ITGA11: variants seen among roughly 807,000 people sequenced by gnomAD.
The protein encoded by ITGA11 is integrin alpha-11.
ITGA11 carries 97 observed loss-of-function variants against 141.9 expected under a neutral mutation model. The observed-to-expected ratio is 0.68, with a 90% CI of 0.58 to 0.81. ITGA11 has a LOEUF of 0.81. Ranked by LOEUF, ITGA11 falls within the 30% of genes least tolerant of loss-of-function variation. The pLI is 0.00. For missense variants in ITGA11, 1,387 were observed against 1,559.2 expected (o/e 0.89, Z 1.86); for synonymous variants, 658 against 624.6 (o/e 1.05, Z -0.80).
At chr15:68,370,347 G>A (rs1488410780) in intron 2 of ITGA11, among the ~76,000 whole-genome samples, 1 of 152,200 alleles carries the variant, frequency 6.6e-6, no homozygotes, top group Non-Finnish European at 1.5e-5. Context: ...GACCCTGGAG[G>A]TGCGGCTGTG....
chr15:68,378,609 C>T lies in ITGA11; in HGVS notation c.165-9325G>A, dbSNP rs117781612. Among the ~76,000 whole-genome samples, 149 of 152,312 alleles carry T rather than the reference C, an allele frequency of 9.8e-4. 2 individuals carry two copies. The East Asian group carries it at 0.026, about 27-fold the overall frequency. On this transcript the variant is annotated intron_variant, in intron 2 of 29. Coordinates refer to ENST00000315757, the MANE Select transcript of ITGA11 (RefSeq NM_001004439.2). ...AGTAAGCTATGATCATGCCACTGCA[C>T]TGTAGCCTGGGTGACAGAGAGAGAT... is the stretch of plus-strand genomic sequence containing the variant.
intron 1 of ITGA11, among the ~76,000 whole-genome samples, chr15:68,414,735 C>T (rs1455897197): frequency 1.3e-5 from 2 of 152,222 alleles, no homozygotes; most frequent in Non-Finnish European, 2.9e-5. Flanking sequence ...AAGTATCTAT[C>T]AGATTGGCTT....
chr15:68,385,839 C>T (rs1895972465), intron 2 of ITGA11, among the ~76,000 whole-genome samples: 1 of 152,122 alleles, frequency 6.6e-6, no homozygotes, highest in South Asian at 2.1e-4. Flanking sequence ...TCAGTGCCCC[C>T]ATCTGTAAAA....
chr15:68,311,025 A>C lies in ITGA11; in HGVS notation c.3143T>G (p.Val1048Gly), dbSNP rs1455776111. The C allele has an allele frequency of 6.2e-7, 1 of 1,606,598 alleles. No individual in the cohort carries two copies. Among genetic ancestry groups the C allele is most frequent in the East Asian group, 2.2e-5 (1 of 44,676 alleles). ...GNSTEYRPTP[V>G]EEDLRRAPQL... is the part of the protein sequence containing the mutation. ...TGGAGCACGACGCAAGTCTTCCTCC[A>C]CTGGGGTGGGCCGGTACTCAGTGCT... The change falls in exon 26 of 30, where the codon GTG (valine) becomes GGG (glycine). Residue 1048 changes from valine to glycine, a missense_variant. Transcript: ENST00000315757.
At chr15:68,370,334 T>C (rs954901419) in intron 2 of ITGA11, among the ~76,000 whole-genome samples, 2 of 152,316 alleles carry the variant, frequency 1.3e-5, no homozygotes, top group East Asian at 3.9e-4. Flanking sequence ...AGGAAAAGCC[T>C]GCGACCCTGG....
intron 9 of ITGA11, among the ~76,000 whole-genome samples, chr15:68,350,252 T>G (rs1486921980): frequency 6.6e-6 from 1 of 152,132 alleles, no homozygotes; most frequent in Non-Finnish European, 1.5e-5. Context: ...TGGCATGATA[T>G]CAGCTCACTG....
intron 3 of ITGA11, among the ~76,000 whole-genome samples, chr15:68,366,813 C>T (rs1376891332): frequency 6.6e-6 from 1 of 152,296 alleles, no homozygotes; most frequent in East Asian, 1.9e-4. Context: ...CAGCCCCTGC[C>T]CCTCATTGAA....
At chr15:68,429,219 A>C (rs1451749176) in intron 1 of ITGA11, among the ~76,000 whole-genome samples, 2 of 152,236 alleles carry the variant, frequency 1.3e-5, no homozygotes, top group African/African-American at 4.8e-5. Context: ...TGAGGCACAG[A>C]GCCATGGAGT....
At position 68,340,530 on chromosome 15, in the gene ITGA11, C is replaced by A. The variant is rs1894533666; in HGVS notation, c.1132-886G>T. On this transcript the variant is annotated intron_variant, in intron 10 of 29. Transcript: ENST00000315757. The stretch of plus-strand genomic sequence containing the variant: ...CAGAGAGCCTTGACATGAGGCTGGA[C>A]AGATAAGCCAGGGCCACCTCCATGA... Among the ~76,000 whole-genome samples, 3 of 152,122 alleles carry A rather than the reference C, an allele frequency of 2.0e-5. 1 individual carries two copies. In the South Asian group the frequency reaches 6.2e-4, roughly 31 times the overall value.
At chr15:68,387,336 C>G (rs1896010446) in intron 2 of ITGA11, among the ~76,000 whole-genome samples, 1 of 152,124 alleles carries the variant, frequency 6.6e-6, no homozygotes, top group African/African-American at 2.4e-5. Context: ...CTGCTGTAAC[C>G]AGCTTAAGAC....
At chr15:68,345,977 T>C (rs1894731893) in intron 10 of ITGA11, among the ~76,000 whole-genome samples, 1 of 151,934 alleles carries the variant, frequency 6.6e-6, no homozygotes, top group Non-Finnish European at 1.5e-5. Flanking sequence ...TTTTTGTTTT[T>C]GTTTTTGTTT....
chr15:68,343,503 C>T (rs979343092), intron 10 of ITGA11, among the ~76,000 whole-genome samples: 18 of 152,242 alleles, frequency 1.2e-4, no homozygotes, highest in African/African-American at 4.3e-4. Flanking sequence ...CAGTGCTTCC[C>T]TCTTGCCCAG....
chr15:68,346,858 T>A (rs571949906), intron 10 of ITGA11, among the ~76,000 whole-genome samples: 1 of 152,304 alleles, frequency 6.6e-6, no homozygotes, highest in South Asian at 2.1e-4. Flanking sequence ...GACATGTGCA[T>A]GTCTCCCCCT....
chr15:68,320,426 T>C (rs924075746), intron 19 of ITGA11, 34 bp from the exon 20 acceptor site: 92 of 1,539,384 alleles, frequency 6.0e-5, no homozygotes, highest in Non-Finnish European at 7.9e-5. Context: ...ACTGGGCAGA[T>C]GGAATGAGGA....
intron 4 of ITGA11, among the ~76,000 whole-genome samples, chr15:68,363,390 T>C (rs1333059565): frequency 6.6e-6 from 1 of 152,136 alleles, no homozygotes; most frequent in East Asian, 1.9e-4. Flanking sequence ...GATATGTGTG[T>C]GGATAGGGCC....
At chr15:68,323,557 T>C (rs1354889266) in intron 18 of ITGA11, among the ~76,000 whole-genome samples, 2 of 152,204 alleles carry the variant, frequency 1.3e-5, no homozygotes, top group Non-Finnish European at 2.9e-5. Context: ...GGGAAGAATG[T>C]GTCTCACTTG....
At chr15:68,330,394 A>G (rs989966715) in intron 15 of ITGA11, among the ~76,000 whole-genome samples, 2 of 150,832 alleles carry the variant, frequency 1.3e-5, no homozygotes, top group Admixed American at 1.3e-4. Flanking sequence ...AGGCTGAGTG[A>G]TTTTTTTTTC....
At chr15:68,317,438 C>T (rs1893626094) in intron 20 of ITGA11, 75 bp from the exon 21 acceptor site, 1 of 993,626 alleles carries the variant, frequency 1.0e-6, no homozygotes. Context: ...CCCTCACCCC[C>T]AGCCTGCACC....
rs59472483 is a variant in ITGA11, at chr15:68,347,921, T to TAC, written c.1131+907_1131+908dup. ...GGTGCCAGCCCAGGCAGAACACACA[T>TAC]ACACACACACACACACACACACACT... On this transcript the variant is annotated intron_variant, in intron 10 of 29. Coordinates refer to ENST00000315757, the MANE Select transcript of ITGA11 (RefSeq NM_001004439.2). Among the ~76,000 whole-genome samples, 768 of 151,078 alleles carry TAC rather than the reference T, an allele frequency of 5.1e-3. 6 individuals carry two copies. The highest frequency in any genetic ancestry group is 0.016 in the African/African-American group (661 of 41,182).
Sources: allele counts gnomAD v4.1 joint callset (sites outside exome capture counted in the v4.1 genomes callset), GRCh38; gene constraint gnomAD v4.1.1; transcripts MANE v1.5; gene names NCBI Gene and HGNC (gene_info 2026-07-23, HGNC 2026-07-21).